Variants in SLC17A8 observed in about 807,000 individuals in gnomAD.
SLC17A8 encodes solute carrier family 17 member 8.
A neutral mutation model predicts 58.0 loss-of-function variants in SLC17A8; 31 were observed. The ratio of observed to expected loss-of-function variants is 0.53; its 90% CI spans 0.40 to 0.72. SLC17A8 has a LOEUF of 0.72. SLC17A8 is among the 30% of genes least tolerant of loss of function. SLC17A8 has a pLI of 0.00. For synonymous variants in SLC17A8, 228 were observed against 249.0 expected (o/e 0.92, Z 0.79); for missense variants, 655 against 727.8 (o/e 0.90, Z 1.15).
intron 1 of SLC17A8, among the ~76,000 whole-genome samples, chr12:100,361,940 G>A (rs1313743030): frequency 6.6e-6 from 1 of 151,944 alleles, no homozygotes; most frequent in Non-Finnish European, 1.5e-5. Flanking sequence ...CAGCCTGGAC[G>A]ACAGAGGGAG....
At chr12:100,390,301 T>G (rs1460697023) in intron 2 of SLC17A8, among the ~76,000 whole-genome samples, 1 of 151,870 alleles carries the variant, frequency 6.6e-6, no homozygotes, top group Admixed American at 6.6e-5. Flanking sequence ...GTACATAATC[T>G]CTTATTACAA....
chr12:100,401,729 G>T, intron 5 of SLC17A8, 48 bp from the exon 6 acceptor site: 1 of 1,421,086 alleles, frequency 7.0e-7, no homozygotes, highest in East Asian at 2.3e-5. Context: ...GAGCTGAAAA[G>T]GCTTGCATGA....
intron 9 of SLC17A8, among the ~76,000 whole-genome samples, chr12:100,406,497 T>C (rs1952826846): frequency 6.6e-6 from 1 of 151,814 alleles, no homozygotes; most frequent in Non-Finnish European, 1.5e-5. Context: ...TGAAGTACAT[T>C]GAGATGCAGA....
intron 9 of SLC17A8, among the ~76,000 whole-genome samples, chr12:100,411,649 T>C (rs1175875072): frequency 1.3e-5 from 2 of 152,160 alleles, no homozygotes; most frequent in Non-Finnish European, 2.9e-5. Flanking sequence ...AGGCACTCTA[T>C]ATACTTGGAA....
chr12:100,411,119 T>G (rs1280348144), intron 9 of SLC17A8, among the ~76,000 whole-genome samples: 2 of 152,084 alleles, frequency 1.3e-5, no homozygotes, highest in African/African-American at 4.8e-5. Flanking sequence ...AGAAAGCACG[T>G]GGTGGCGATG....
chr12:100,373,238 G>A (rs1952570494), intron 1 of SLC17A8, among the ~76,000 whole-genome samples: 1 of 152,148 alleles, frequency 6.6e-6, no homozygotes, highest in South Asian at 2.1e-4. Flanking sequence ...CAGTCAAGCA[G>A]GGAAGGAAAA....
chr12:100,389,046 G>T (rs2135993092), intron 2 of SLC17A8, among the ~76,000 whole-genome samples: 1 of 152,276 alleles, frequency 6.6e-6, no homozygotes, highest in South Asian at 2.1e-4. Context: ...AAAGGGACCA[G>T]TTCAATTTTC....
intron 2 of SLC17A8, among the ~76,000 whole-genome samples, chr12:100,383,583 T>G (rs907330694): frequency 6.6e-6 from 1 of 152,238 alleles, no homozygotes; most frequent in Non-Finnish European, 1.5e-5. Flanking sequence ...TATTTGGCAC[T>G]GAGATATCTT....
At chr12:100,401,552 C>A (rs1952791361) in intron 5 of SLC17A8, among the ~76,000 whole-genome samples, 1 of 152,028 alleles carries the variant, frequency 6.6e-6, no homozygotes, top group African/African-American at 2.4e-5. Context: ...CAATCTTTGT[C>A]TAAATCCTGT....
chr12:100,383,433 C>G (rs1247349939), intron 2 of SLC17A8, among the ~76,000 whole-genome samples: 1 of 152,152 alleles, frequency 6.6e-6, no homozygotes, highest in East Asian at 1.9e-4. Context: ...CAGATTATTT[C>G]TCTTGTCCGC....
At chr12:100,364,479 G>A (rs187644088) in intron 1 of SLC17A8, among the ~76,000 whole-genome samples, 94 of 152,244 alleles carry the variant, frequency 6.2e-4, no homozygotes, top group African/African-American at 2.0e-3. Flanking sequence ...TGGGAGCTCC[G>A]ACATAGCCTC....
At chr12:100,412,730 T>G (rs372032494) in intron 9 of SLC17A8, 40 bp from the exon 10 acceptor site, 23 of 1,368,442 alleles carry the variant, frequency 1.7e-5, no homozygotes, top group African/African-American at 4.3e-5. Context: ...TTGACCGATA[T>G]GAAAATGACA....
intron 1 of SLC17A8, among the ~76,000 whole-genome samples, chr12:100,371,448 G>A (rs571529939): frequency 9.8e-5 from 15 of 152,360 alleles, no homozygotes; most frequent in East Asian, 7.7e-4. Flanking sequence ...TGATTAGTTC[G>A]TGTGGCACAC....
At chr12:100,365,282 T>C (rs1952512253) in intron 1 of SLC17A8, among the ~76,000 whole-genome samples, 1 of 152,170 alleles carries the variant, frequency 6.6e-6, no homozygotes, top group African/African-American at 2.4e-5. Context: ...TGTATATTTC[T>C]CTACTATAGA....
intron 5 of SLC17A8, among the ~76,000 whole-genome samples, chr12:100,399,490 T>C (rs886494927): frequency 1.1e-4 from 17 of 152,062 alleles, no homozygotes; most frequent in African/African-American, 4.1e-4. Context: ...AGAGGTTTAA[T>C]CAACTCACAG....
At chr12:100,401,185 G>C (rs1003924420) in intron 5 of SLC17A8, among the ~76,000 whole-genome samples, 3 of 151,760 alleles carry the variant, frequency 2.0e-5, no homozygotes, top group African/African-American at 7.3e-5. Context: ...TTTTAGTAGA[G>C]ATGGGGTTTT....
intron 5 of SLC17A8, among the ~76,000 whole-genome samples, chr12:100,396,671 G>T (rs1170871193): frequency 6.6e-6 from 1 of 151,980 alleles, no homozygotes; most frequent in Non-Finnish European, 1.5e-5. Context: ...GACTGCTTGA[G>T]CCTGGGAGGT....
chr12:100,408,612 T>G (rs1333864066), intron 9 of SLC17A8, among the ~76,000 whole-genome samples: 1 of 152,198 alleles, frequency 6.6e-6, no homozygotes, highest in Non-Finnish European at 1.5e-5. Context: ...GGCTCTTAAA[T>G]GCTTTTTTTT....
At chr12:100,412,110 G>C (rs1489512001) in intron 9 of SLC17A8, among the ~76,000 whole-genome samples, 1 of 152,042 alleles carries the variant, frequency 6.6e-6, no homozygotes, top group African/African-American at 2.4e-5. Context: ...ACAATGGCAG[G>C]GACAGCTACC....
Sources: gnomAD v4.1 joint callset for allele counts (sites outside exome capture counted in the v4.1 genomes callset) on GRCh38, gnomAD v4.1.1 for gene constraint, MANE v1.5 for transcripts, NCBI Gene and HGNC (gene_info 2026-07-23, HGNC 2026-07-21) for gene names.